TCF25: variants seen among roughly 807,000 people sequenced by gnomAD.
The protein encoded by TCF25 is ribosome quality control complex subunit TCF25.
TCF25 carries 41 observed loss-of-function variants against 83.1 expected under a neutral mutation model. The observed-to-expected ratio is 0.49, with a 90% confidence interval of 0.38 to 0.64. The LOEUF is 0.64. Ranked by LOEUF, TCF25 falls within the 30% of genes least tolerant of loss-of-function variation. The probability of loss-of-function intolerance (pLI) is 0.00; values close to 1 mark genes in which losing one functional copy is unlikely to be tolerated. For missense variants in TCF25, 979 were observed against 914.5 expected (o/e 1.07, Z -0.91); for synonymous variants, 458 against 365.0 (o/e 1.25, Z -2.90).
chr16:89,908,016 T>C (rs1394001961), intron 16 of TCF25, among the ~76,000 whole-genome samples: 2 of 40,810 alleles, frequency 4.9e-5, no homozygotes, highest in Admixed American at 3.1e-4. Context: ...ACCGCCTCCC[T>C]CCTCCCAGTT....
At chr16:89,904,369 C>A (rs2044599714) in intron 13 of TCF25, 164 bp downstream of exon 13, 1 of 742,792 alleles carries the variant, frequency 1.3e-6, no homozygotes, top group Admixed American at 2.5e-5. Flanking sequence ...GGCTCTGGAG[C>A]CCTCATCTGT....
At chr16:89,876,230 C>T (rs2042178893) in intron 1 of TCF25, among the ~76,000 whole-genome samples, 1 of 152,092 alleles carries the variant, frequency 6.6e-6, no homozygotes, top group Non-Finnish European at 1.5e-5. Flanking sequence ...TCCAGTGGCA[C>T]ACATCAGTCT....
Position 89,893,714 on chromosome 16 carries a change from C to T in TCF25, c.698-14C>T, listed in dbSNP as rs2043605957. 8.7e-6 allele frequency: 14 copies of T among 1,613,600 alleles called. No individual in the cohort carries two copies. The highest frequency in any genetic ancestry group is 1.0e-5 in the Non-Finnish European group (12 of 1,179,956). On this transcript the variant is annotated splice_polypyrimidine_tract_variant and intron_variant, in intron 6 of 17. Transcript: ENST00000263346. ...GCTCCCGGCACACCCTCCCTGAGCA[C>T]TCTCCCCTCCCAGGTCTGTCCATGC...
At chr16:89,875,814 G>C (rs796249730) in intron 1 of TCF25, among the ~76,000 whole-genome samples, 1 of 130,798 alleles carries the variant, frequency 7.6e-6, no homozygotes, top group African/African-American at 3.0e-5. Context: ...GAGCCACTGC[G>C]CCTGGCTTTT....
intron 16 of TCF25, among the ~76,000 whole-genome samples, chr16:89,908,546 CCACCTTCCAGTTCCCACCTCTTTCCTCG>C (rs2045213018): frequency 7.2e-6 from 1 of 137,988 alleles, no homozygotes. Context: ...CTCCCTCCTC[CCACCTTCCAGTTCCCACCTCTTTCCTCG>C]CAGTTCCCAC....
intron 3 of TCF25, among the ~76,000 whole-genome samples, chr16:89,884,879 G>A (rs1200175115): frequency 1.4e-5 from 1 of 73,752 alleles, no homozygotes; most frequent in Non-Finnish European, 2.3e-5. Context: ...TCTGCCTGAC[G>A]CCCCTCTCCC....
chr16:89,910,760 C>T (rs1245039514), intron 17 of TCF25, 97 bp downstream of exon 17: 2 of 1,369,854 alleles, frequency 1.5e-6, no homozygotes, highest in African/African-American at 1.4e-5. Context: ...AGGACTGTGC[C>T]AGCCGGCACA....
intron 1 of TCF25, among the ~76,000 whole-genome samples, chr16:89,876,861 G>A (rs547359554): frequency 6.6e-6 from 1 of 150,914 alleles, no homozygotes; most frequent in South Asian, 2.1e-4. Flanking sequence ...CCCAGGAGGC[G>A]GAGCTTGCAG....
At position 89,895,270 on chromosome 16, in the gene TCF25, G is replaced by A. The variant is rs1027370080; in HGVS notation, c.928+133G>A. On this transcript the variant is annotated intron_variant, in intron 8 of 17. Transcript: ENST00000263346. ...GCTTTATTGAGATACAACCTACGTA[G>A]CACAAAACTTACCCATTTAAAGTTT... The A allele has an allele frequency of 2.5e-4, 194 of 774,578 alleles. 1 individual carries two copies. Among genetic ancestry groups the A allele is most frequent in the Non-Finnish European group, 2.9e-4 (145 of 493,094 alleles). 48.0% of individuals were successfully genotyped at this position (774,578 alleles called of 1,614,324 possible). A position where few individuals can be genotyped will look rare whatever the true frequency, so the allele number is the denominator to read the frequency against.
intron 3 of TCF25, 93 bp downstream of exon 3, chr16:89,884,749 CCT>C: frequency 8.4e-7 from 1 of 1,197,372 alleles, no homozygotes; most frequent in Non-Finnish European, 1.2e-6. Context: ...ACGCCCTCTC[CCT>C]CTGTCTGACG....
chr16:89,878,433 CATT>C (rs1567692464), intron 1 of TCF25: 45 of 861,872 alleles, frequency 5.2e-5, no homozygotes, highest in Non-Finnish European at 6.4e-5. Flanking sequence ...TAAAAATCAC[CATT>C]TTTTTTTTTT....
rs193156937 is a variant in TCF25 at position 89,875,969 on chromosome 16, C to T, written c.192+2110C>T. ...TGGGACTACAGCATACCCTACCATG[C>T]TCAGCTTGTTCTTTTAATGCTTTTT... On this transcript the variant is annotated intron_variant, in intron 1 of 17. Transcript: ENST00000263346. Among the ~76,000 whole-genome samples, 11 of 151,580 alleles carry T rather than the reference C, an allele frequency of 7.3e-5. 1 individual carries two copies. Among genetic ancestry groups the T allele is most frequent in the Admixed American group, 7.2e-4 (11 of 15,208 alleles).
chr16:89,888,855 T>C (rs1434021410), intron 5 of TCF25, among the ~76,000 whole-genome samples: 1 of 146,534 alleles, frequency 6.8e-6, no homozygotes, highest in Non-Finnish European at 1.5e-5. Context: ...TTTTTTTTTT[T>C]TTTTTTTTTT....
chr16:89,891,170 C>G (rs550076269), intron 5 of TCF25, among the ~76,000 whole-genome samples: 1 of 152,364 alleles, frequency 6.6e-6, no homozygotes, highest in South Asian at 2.1e-4. Flanking sequence ...CTCCTGGCAT[C>G]TGCCCAGGCT....
At chr16:89,889,132 T>C (rs887391305) in intron 5 of TCF25, 3 of 311,138 alleles carry the variant, frequency 9.6e-6, no homozygotes, top group African/African-American at 4.7e-5. Flanking sequence ...TGGGACTTTA[T>C]GTAGGAGGTA....
Position 89,884,644 on chromosome 16 carries a change from G to T in TCF25, c.417G>T (p.Thr139=). 6.2e-7 allele frequency: 1 copy of T among 1,612,770 alleles called. No homozygotes were observed. Among genetic ancestry groups the T allele is most frequent in the African/African-American group, 1.3e-5 (1 of 74,938 alleles). ...KKKQKNKKSS[T]GEASENGLED... The stretch of plus-strand genomic sequence containing the variant: ...AACAGAAAAACAAGAAAAGCAGCAC[G>T]GGAGAAGCATCGGTACGTGAGTTGG... Residue 139 remains threonine, a synonymous_variant, in exon 3 of 18, where the codon ACG becomes ACT. Coordinates refer to ENST00000263346, the MANE Select transcript of TCF25 (RefSeq NM_014972.3).
In TCF25 at chr16:89,884,702, C is replaced by T. The variant is rs762422183; in HGVS notation, c.429+46C>T. ...TGTGCTCTGTCCCTCTGCCTGACGC[C>T]CCTCTCCCTCTGCCTGACGCCCTCT... On this transcript the variant is annotated intron_variant, in intron 3 of 17. Transcript: ENST00000263346. 17 of 1,565,626 alleles carry T rather than the reference C, an allele frequency of 1.1e-5. No individual in the cohort carries two copies. The Admixed American group carries it at 1.8e-4, about 17-fold the overall frequency.
At position 89,887,705 on chromosome 16, in the gene TCF25, T is replaced by C; in HGVS notation, c.602T>C (p.Leu201Pro). Residue 201 changes from leucine (L) to proline (P), a missense_variant, in exon 5 of 18, where the codon CTG becomes CCG. Transcript: ENST00000263346. ...AGGTATTTTGGTGCCCGGGCAATCC[T>C]GGGGGAGCAAAGGTAAGGTCCACAG... is the stretch of plus-strand genomic sequence containing the variant. The part of the protein sequence containing the change: ...LKRYFGARAI[L>P]GEQRPRQRQR... The C allele has an allele frequency of 6.3e-7, 1 of 1,591,092 alleles. No individual in the cohort carries two copies. Among genetic ancestry groups the C allele is most frequent in the Non-Finnish European group, 8.5e-7 (1 of 1,172,510 alleles).
chr16:89,904,851 C>G (rs574586963), intron 13 of TCF25, 87 bp from the exon 14 acceptor site: 8 of 1,491,448 alleles, frequency 5.4e-6, no homozygotes, highest in Non-Finnish European at 6.4e-6. Context: ...CTGGACCCCC[C>G]GTCTGCCCAT....
Sources: allele counts gnomAD v4.1 joint callset (sites outside exome capture counted in the v4.1 genomes callset), GRCh38; gene constraint gnomAD v4.1.1; transcripts MANE v1.5; gene names NCBI Gene and HGNC (gene_info 2026-07-23, HGNC 2026-07-21).